Variants in NR2E3 observed in about 807,000 individuals in gnomAD.
The protein encoded by NR2E3 is photoreceptor-specific nuclear receptor.
Under a neutral mutation model 37.6 loss-of-function variants are expected in NR2E3, and 38 were observed. That is an observed-to-expected ratio of 1.01 (90% confidence interval 0.78 to 1.33). NR2E3 has a LOEUF of 1.33. NR2E3 is among the 40% of genes most tolerant of loss of function. The pLI is 0.00. For synonymous variants in NR2E3, 235 were observed against 225.1 expected (o/e 1.04, Z -0.39); for missense variants, 562 against 558.7 (o/e 1.01, Z -0.06).
Position 71,811,433 on chromosome 15 carries a change from C to T in NR2E3, c.119-50C>T, listed in dbSNP as rs1173816909. ...GAGGGAAGGAGGGGAGCGTGCAGCCCTGCCCCGGCCCAGCCCTGCCCTGGC... is the reference window on the plus strand; with the variant it reads ...GAGGGAAGGAGGGGAGCGTGCAGCCTTGCCCCGGCCCAGCCCTGCCCTGGC... On this transcript the variant is annotated intron_variant, in intron 1 of 7. Coordinates refer to ENST00000617575, the MANE Select transcript of NR2E3 (RefSeq NM_014249.4). This position sits in a 1 kb window ranked among gnomAD's most constrained non-coding sequence, Gnocchi z 5.6. 9.2e-6 allele frequency: 14 copies of T among 1,519,864 alleles called. No homozygotes were observed. The highest frequency in any genetic ancestry group is 2.5e-5 in the East Asian group (1 of 40,568). The allele number at this position is 1,519,864 out of a possible 1,614,324, so 94.1% of individuals were successfully genotyped here.
At chr15:71,816,222 G>A (rs865856651) in intron 7 of NR2E3, among the ~76,000 whole-genome samples, 2 of 150,354 alleles carry the variant, frequency 1.3e-5, no homozygotes, top group South Asian at 2.1e-4. Flanking sequence ...TTCACCATCC[G>A]TCTTTTGTGT....
Position 71,812,041 on chromosome 15 carries a change from C to G in NR2E3, c.436C>G (p.Leu146Val). Residue 146 changes from leucine to valine, a missense_variant, in exon 4 of 8, where the codon CTG becomes GTG. Leu to Val is a conservative substitution (Grantham distance 32, BLOSUM62 1). Coordinates refer to ENST00000617575, the MANE Select transcript of NR2E3 (RefSeq NM_014249.4). ...CAACACTGAGTCCCGGCCGGAGTCCCTGGTGGCTCCCCCGGCCCCGGCAGG... is the reference window on the plus strand; with the variant it reads ...CAACACTGAGTCCCGGCCGGAGTCCGTGGTGGCTCCCCCGGCCCCGGCAGG... ...ESNTESRPES[L>V]VAPPAPAGRS... The G allele has an allele frequency of 6.4e-7, 1 of 1,554,194 alleles. No individual in the cohort carries two copies. Among genetic ancestry groups the G allele is most frequent in the South Asian group, 1.2e-5 (1 of 84,202 alleles).
chr15:71,814,387 A>G (rs2054211379), intron 7 of NR2E3: 2 of 1,226,404 alleles, frequency 1.6e-6, no homozygotes, highest in Non-Finnish European at 1.0e-6. Context: ...TGAGGGTTGC[A>G]TGAATCTGCA....
chr15:71,812,609 T>A (rs1211711897), intron 5 of NR2E3, 98 bp downstream of exon 5: 32 of 1,038,630 alleles, frequency 3.1e-5, no homozygotes, highest in Non-Finnish European at 4.4e-5. Context: ...CACGCCAGTA[T>A]GAATGCACAC....
At position 71,811,791 on chromosome 15, in the gene NR2E3, C is replaced by T. The variant is rs1337781668; in HGVS notation, c.271C>T (p.Pro91Ser). Reference protein sequence around the residue: ...YRCQVGAGMCPVDKAHRNQCQ... With the variant: ...YRCQVGAGMCSVDKAHRNQCQ... ...GTGCCAGGTGGGGGCAGGGATGTGCCCCGTGGACAAGGCCCACCGCAACCA... is the reference window on the plus strand; with the variant it reads ...GTGCCAGGTGGGGGCAGGGATGTGCTCCGTGGACAAGGCCCACCGCAACCA... The change falls in exon 3 of 8, where the codon CCC becomes TCC. Residue 91 changes from proline (P) to serine (S), a missense_variant. Coordinates refer to ENST00000617575, the MANE Select transcript of NR2E3 (RefSeq NM_014249.4). This position sits in a 1 kb window ranked among gnomAD's most constrained non-coding sequence, Gnocchi z 5.6. 6.4e-7 allele frequency: 1 copy of T among 1,551,198 alleles called. No homozygotes were observed. The highest frequency in any genetic ancestry group is 8.7e-7 in the Non-Finnish European group (1 of 1,146,984).
At chr15:71,815,806 T>C (rs1378663469) in intron 7 of NR2E3, among the ~76,000 whole-genome samples, 4 of 151,826 alleles carry the variant, frequency 2.6e-5, no homozygotes, top group Non-Finnish European at 5.9e-5. Flanking sequence ...TGTTTCTCTT[T>C]TCTTTTTTTG....
chr15:71,811,452 C>T lies in NR2E3; in HGVS notation c.119-31C>T, dbSNP rs1217984281. 1.3e-6 allele frequency: 2 copies of T among 1,491,228 alleles called. No individual in the cohort carries two copies. Among genetic ancestry groups the T allele is most frequent in the Non-Finnish European group, 9.0e-7 (1 of 1,116,226 alleles). The allele number at this position is 1,491,228 out of a possible 1,614,324, so 92.4% of individuals were successfully genotyped here. A position where few individuals can be genotyped will look rare whatever the true frequency, so the allele number is the denominator to read the frequency against. On this transcript the variant is annotated intron_variant, in intron 1 of 7. Transcript: ENST00000617575. This position sits in a 1 kb window ranked among gnomAD's most constrained non-coding sequence, Gnocchi z 5.6. ...GCAGCCCTGCCCCGGCCCAGCCCTG[C>T]CCTGGCCCAGCCCTGCCCCCTGCCC...
intron 7 of NR2E3, chr15:71,815,062 G>A: frequency 3.5e-6 from 1 of 284,560 alleles, no homozygotes; most frequent in Non-Finnish European, 5.3e-6. Flanking sequence ...CCCTGGCTAG[G>A]TTTGGGGGAG....
rs555860015 is a variant in NR2E3, at chr15:71,811,487, G to C, written c.123G>C (p.Val41=). ...RWGLGEDPTG[V]SPSLQCRVCG... ...GCCCTGCCCCCTGCCCCTCAGGCGT[G>C]AGCCCCTCGCTCCAGTGCCGCGTGT... The change falls in exon 2 of 8, where the codon GTG becomes GTC. Residue 41 remains valine, a synonymous_variant. Coordinates refer to ENST00000617575, the MANE Select transcript of NR2E3 (RefSeq NM_014249.4). The surrounding 1 kb of genome is among the most constrained non-coding windows in gnomAD (Gnocchi z 5.6). The C allele has an allele frequency of 1.3e-6, 2 of 1,556,926 alleles. No homozygotes were observed. Among genetic ancestry groups the C allele is most frequent in the South Asian group, 1.2e-5 (1 of 84,382 alleles).
Position 71,817,685 on chromosome 15 carries a change from T to C in NR2E3, c.*1T>C. 6.3e-7 allele frequency: 1 copy of C among 1,595,382 alleles called. No homozygotes were observed. On this transcript the variant is annotated 3_prime_UTR_variant, in exon 8 of 8. Coordinates refer to ENST00000617575, the MANE Select transcript of NR2E3 (RefSeq NM_014249.4). ...CCTTTGTGATATGTTCAAAAACTAGTGGGGGTGGAGGTGAAATGTTTCCAA... is the reference window on the plus strand; with the variant it reads ...CCTTTGTGATATGTTCAAAAACTAGCGGGGGTGGAGGTGAAATGTTTCCAA...
In NR2E3 at chr15:71,812,046, G is replaced by C; in HGVS notation, c.441G>C (p.Val147=). The C allele has an allele frequency of 6.4e-7, 1 of 1,553,510 alleles. No homozygotes were observed. Among genetic ancestry groups the C allele is most frequent in the Non-Finnish European group, 8.7e-7 (1 of 1,148,650 alleles). ...SNTESRPESL[V]APPAPAGRSP... Reference sequence around the variant, plus strand: ...CTGAGTCCCGGCCGGAGTCCCTGGTGGCTCCCCCGGCCCCGGCAGGGCGCA... The same window carrying C: ...CTGAGTCCCGGCCGGAGTCCCTGGTCGCTCCCCCGGCCCCGGCAGGGCGCA... The change falls in exon 4 of 8, where the codon GTG becomes GTC. Residue 147 remains valine, a synonymous_variant. Coordinates refer to ENST00000617575, the MANE Select transcript of NR2E3 (RefSeq NM_014249.4).
chr15:71,817,627 C>T lies in NR2E3; in HGVS notation c.1176C>T (p.Arg392=), dbSNP rs1237363601. 4 of 1,610,610 alleles carry T rather than the reference C, an allele frequency of 2.5e-6. No homozygotes were observed. Among genetic ancestry groups the T allele is most frequent in the South Asian group, 1.1e-5 (1 of 90,928 alleles). ...AACGCATCGAGCTCCTCTTTTTCCGCAAGACCATAGGGAATACTCCAATGG... is the reference window on the plus strand; with the variant it reads ...AACGCATCGAGCTCCTCTTTTTCCGTAAGACCATAGGGAATACTCCAATGG... ...TAERIELLFF[R]KTIGNTPMEK... Residue 392 remains arginine (R), a synonymous_variant, in exon 8 of 8, where the codon CGC becomes CGT. Coordinates refer to ENST00000617575, the MANE Select transcript of NR2E3 (RefSeq NM_014249.4).
chr15:71,816,541 T>C (rs2054227780), intron 7 of NR2E3, among the ~76,000 whole-genome samples: 1 of 152,156 alleles, frequency 6.6e-6, no homozygotes, highest in East Asian at 1.9e-4. Flanking sequence ...ATTACAGGCG[T>C]GAGCCACCAC....
intron 7 of NR2E3, among the ~76,000 whole-genome samples, chr15:71,816,545 C>T (rs996056425): frequency 6.6e-6 from 1 of 152,066 alleles, no homozygotes; most frequent in Non-Finnish European, 1.5e-5. Flanking sequence ...CAGGCGTGAG[C>T]CACCACGCTC....
In NR2E3 at chr15:71,811,622, G is replaced by A. The variant is rs2140288904; in HGVS notation, c.245+13G>A. 6.2e-7 allele frequency: 1 copy of A among 1,600,898 alleles called. No homozygotes were observed. Among genetic ancestry groups the A allele is most frequent in the South Asian group, 1.1e-5 (1 of 88,356 alleles). On this transcript the variant is annotated intron_variant, in intron 2 of 7. Coordinates refer to ENST00000617575, the MANE Select transcript of NR2E3 (RefSeq NM_014249.4). This position sits in a 1 kb window ranked among gnomAD's most constrained non-coding sequence, Gnocchi z 5.6. Reference sequence around the variant, plus strand: ...GGCTCATCTACAGGTGAGTGCGGTGGGCCCTGCTGGGCGTCTGCCCCTGAG... The same window carrying A: ...GGCTCATCTACAGGTGAGTGCGGTGAGCCCTGCTGGGCGTCTGCCCCTGAG...
rs111447721 is a variant in NR2E3, at chr15:71,813,882, G to A, written c.995-130G>A. ...GCCGGAGCCCCTGGTGGCTCCTCTG[G>A]GCCTGGCAGAGCCCACCCCACAGGG... On this transcript the variant is annotated intron_variant, in intron 6 of 7. Transcript: ENST00000617575. The surrounding 1 kb of genome is among the most constrained non-coding windows in gnomAD (Gnocchi z 4.7). The A allele has an allele frequency of 6.6e-7, 1 of 1,524,788 alleles. No homozygotes were observed. Among genetic ancestry groups the A allele is most frequent in the Non-Finnish European group, 8.8e-7 (1 of 1,140,704 alleles). The allele number at this position is 1,524,788 out of a possible 1,614,324, so 94.5% of individuals were successfully genotyped here. A position where few individuals can be genotyped will look rare whatever the true frequency, so the allele number is the denominator to read the frequency against.
In NR2E3 at chr15:71,813,514, C is replaced by A; in HGVS notation, c.873C>A (p.Gly291=). Residue 291 remains glycine (G), a synonymous_variant, in exon 6 of 8, where the codon GGC becomes GGA. Coordinates refer to ENST00000617575, the MANE Select transcript of NR2E3 (RefSeq NM_014249.4). This position sits in a 1 kb window ranked among gnomAD's most constrained non-coding sequence, Gnocchi z 4.7. ...CCTCTGCTGCCGGTGGTGCCCAGGG[C>A]CGGCTCACGCTGGCCAGCATGGAGA... ...PEASAAGGAQ[G]RLTLASMETR... 6.2e-7 allele frequency: 1 copy of A among 1,613,198 alleles called. No individual in the cohort carries two copies. Among genetic ancestry groups the A allele is most frequent in the East Asian group, 2.2e-5 (1 of 44,872 alleles).
In NR2E3 at chr15:71,813,049, G is replaced by C. The variant is rs977057708; in HGVS notation, c.748-340G>C. ...GCCCTCAGCCAGTCTGTGTGCTGGG[G>C]TGGAGCAACTCAGAAGAGTCAGGCC... On this transcript the variant is annotated intron_variant, in intron 5 of 7. Transcript: ENST00000617575. The surrounding 1 kb of genome is among the most constrained non-coding windows in gnomAD (Gnocchi z 4.7). Among the ~76,000 whole-genome samples, 1 of 152,202 alleles carries C rather than the reference G, an allele frequency of 6.6e-6. No individual in the cohort carries two copies. The highest frequency in any genetic ancestry group is 2.4e-5 in the African/African-American group (1 of 41,450).
Position 71,810,661 on chromosome 15 carries a change from G to T in NR2E3, c.-83G>T. 6.5e-7 allele frequency: 1 copy of T among 1,537,450 alleles called. No individual in the cohort carries two copies. ...AGGGAGACAGGGGCACAGAGAGACA[G>T]AGGTTCATGGACTGAGGCAAAGGCT... On this transcript the variant is annotated 5_prime_UTR_variant, in exon 1 of 8. Coordinates refer to ENST00000617575, the MANE Select transcript of NR2E3 (RefSeq NM_014249.4).
Sources: allele counts gnomAD v4.1 joint callset (sites outside exome capture counted in the v4.1 genomes callset), GRCh38; gene constraint gnomAD v4.1.1; non-coding constraint Gnocchi (gnomAD v3.1); transcripts MANE v1.5; gene names NCBI Gene and HGNC (gene_info 2026-07-23, HGNC 2026-07-21).